PDGFD: variants seen among roughly 807,000 people sequenced by gnomAD.
PDGFD encodes platelet-derived growth factor D.
PDGFD carries 30 observed loss-of-function variants against 44.7 expected under a neutral mutation model. That is an observed-to-expected ratio of 0.67 (90% CI 0.50 to 0.91). PDGFD has a LOEUF of 0.91. Ranked by LOEUF, PDGFD falls within the 40% of genes least tolerant of loss-of-function variation. The pLI is 0.00. For synonymous variants in PDGFD, 173 were observed against 168.4 expected (o/e 1.03, Z -0.21); for missense variants, 445 against 457.8 (o/e 0.97, Z 0.25).
At chr11:104,113,495 C>A (rs1861590535) in intron 1 of PDGFD, among the ~76,000 whole-genome samples, 1 of 151,898 alleles carries the variant, frequency 6.6e-6, no homozygotes, top group Admixed American at 6.6e-5. Context: ...TAGCACAGTT[C>A]ATTTATCCAT....
intron 1 of PDGFD, chr11:104,037,149 A>G (rs759602866): frequency 8.7e-6 from 14 of 1,613,798 alleles, no homozygotes; most frequent in Non-Finnish European, 1.1e-5. Flanking sequence ...GCTCCCGTCC[A>G]CAGCACCCTG....
At chr11:103,938,351 T>G (rs1439599931) in intron 5 of PDGFD, among the ~76,000 whole-genome samples, 1 of 152,244 alleles carries the variant, frequency 6.6e-6, no homozygotes, top group South Asian at 2.1e-4. Flanking sequence ...ATAAATGCCT[T>G]CTTTTGAGAA....
chr11:103,996,100 C>A lies in PDGFD; in HGVS notation c.475G>T (p.Ala159Ser). 1 of 1,613,444 alleles carries A rather than the reference C, an allele frequency of 6.2e-7. No homozygotes were observed. Among genetic ancestry groups the A allele is most frequent in the Non-Finnish European group, 8.5e-7 (1 of 1,179,708 alleles). The change falls in exon 3 of 7, where the codon GCT (alanine) becomes TCT (serine). Residue 159 changes from alanine to serine, a missense_variant. Ala to Ser is a moderately conservative substitution (Grantham distance 99, BLOSUM62 1). Coordinates refer to ENST00000393158, the MANE Select transcript of PDGFD (RefSeq NM_025208.5). ...ITFKSDDYFV[A>S]KPGFKIYYSL... Reference sequence around the variant, plus strand: ...TAATAAATCTTGAATCCAGGTTTAGCCACAAAGTAGTCATCGGACTTGAAT... The same window carrying A: ...TAATAAATCTTGAATCCAGGTTTAGACACAAAGTAGTCATCGGACTTGAAT...
At chr11:104,117,078 T>C (rs1408044544) in intron 1 of PDGFD, among the ~76,000 whole-genome samples, 2 of 151,958 alleles carry the variant, frequency 1.3e-5, no homozygotes, top group African/African-American at 4.8e-5. Context: ...TGGTTTAACA[T>C]ATGCAAGTCA....
At chr11:104,146,448 T>G (rs1862164130) in intron 1 of PDGFD, among the ~76,000 whole-genome samples, 1 of 152,148 alleles carries the variant, frequency 6.6e-6, no homozygotes, top group Admixed American at 6.6e-5. Context: ...TGCACTAAAT[T>G]TTTCATCTGA....
intron 1 of PDGFD, among the ~76,000 whole-genome samples, chr11:104,023,033 A>G (rs1264807628): frequency 1.3e-5 from 2 of 152,128 alleles, no homozygotes; most frequent in Non-Finnish European, 2.9e-5. Context: ...TTTAGTAACC[A>G]TAGCCAAACT....
At chr11:104,120,848 T>A (rs1861769238) in intron 1 of PDGFD, among the ~76,000 whole-genome samples, 1 of 151,902 alleles carries the variant, frequency 6.6e-6, no homozygotes, top group Admixed American at 6.6e-5. Context: ...TTTTTCCCCC[T>A]TTGTACATGC....
intron 1 of PDGFD, chr11:104,038,297 T>TTA (rs1313793467): frequency 2.7e-6 from 1 of 375,484 alleles, no homozygotes; most frequent in Non-Finnish European, 5.0e-6. Flanking sequence ...GCTTCTTCCT[T>TTA]TAGAGACACT....
intron 3 of PDGFD, among the ~76,000 whole-genome samples, chr11:103,963,189 A>G (rs748784722): frequency 6.6e-5 from 10 of 152,102 alleles, no homozygotes; most frequent in Non-Finnish European, 1.5e-4. Context: ...TTTTCCTTGG[A>G]AAAAATGTTG....
chr11:104,140,778 T>G (rs1403854394), intron 1 of PDGFD, among the ~76,000 whole-genome samples: 1 of 150,270 alleles, frequency 6.7e-6, no homozygotes, highest in East Asian at 2.0e-4. Flanking sequence ...GCTAATGTCC[T>G]AACCTTTTCC....
intron 3 of PDGFD, among the ~76,000 whole-genome samples, chr11:103,975,584 G>T (rs2134347502): frequency 6.6e-6 from 1 of 152,190 alleles, no homozygotes; most frequent in East Asian, 1.9e-4. Flanking sequence ...TGTCCTGAAT[G>T]GTATTGCCTA....
At chr11:104,163,738 A>C in intron 1 of PDGFD, 66 bp downstream of exon 1, 1 of 1,446,250 alleles carries the variant, frequency 6.9e-7, no homozygotes. Context: ...GGAAAAACAT[A>C]GAAAGAACAA....
rs115350616 is a variant in PDGFD at position 104,066,349 on chromosome 11, G to A, written c.125-66094C>T. Among the ~76,000 whole-genome samples, 938 of 152,220 alleles carry A rather than the reference G, an allele frequency of 6.2e-3. 8 individuals carry two copies. Among genetic ancestry groups the A allele is most frequent in the African/African-American group, 0.021 (888 of 41,546 alleles). On this transcript the variant is annotated intron_variant, in intron 1 of 6. Coordinates refer to ENST00000393158, the MANE Select transcript of PDGFD (RefSeq NM_025208.5). ...ATGGAATGTTTTGTCATATATATCC[G>A]TAGAGTTCAGAAATGATCAGGTATT...
At chr11:104,081,540 GTC>G (rs1447931199) in intron 1 of PDGFD, among the ~76,000 whole-genome samples, 1 of 151,918 alleles carries the variant, frequency 6.6e-6, no homozygotes, top group East Asian at 1.9e-4. Flanking sequence ...GAGCCACATA[GTC>G]TCTATGATCA....
At chr11:104,006,782 G>C (rs1454075694) in intron 1 of PDGFD, among the ~76,000 whole-genome samples, 1 of 152,140 alleles carries the variant, frequency 6.6e-6, no homozygotes. Flanking sequence ...CCAGGGAAGA[G>C]TATATTCCCA....
chr11:103,973,620 G>T (rs975217025), intron 3 of PDGFD, among the ~76,000 whole-genome samples: 1 of 152,124 alleles, frequency 6.6e-6, no homozygotes, highest in Non-Finnish European at 1.5e-5. Flanking sequence ...GTTTAACTAT[G>T]AGAAAACTCA....
At chr11:104,066,770 C>T (rs1860796839) in intron 1 of PDGFD, among the ~76,000 whole-genome samples, 1 of 152,108 alleles carries the variant, frequency 6.6e-6, no homozygotes, top group Non-Finnish European at 1.5e-5. Context: ...ACTGATTGAT[C>T]CCAGCTGGCA....
At chr11:104,076,033 T>C (rs993711276) in intron 1 of PDGFD, among the ~76,000 whole-genome samples, 3 of 152,238 alleles carry the variant, frequency 2.0e-5, no homozygotes, top group African/African-American at 7.2e-5. Context: ...AACAGAATCA[T>C]GGGGCTGGTT....
At chr11:104,112,294 CT>C (rs35382507) in intron 1 of PDGFD, among the ~76,000 whole-genome samples, 8 of 150,536 alleles carry the variant, frequency 5.3e-5, no homozygotes, top group African/African-American at 1.7e-4. Context: ...TAATGTTGAG[CT>C]TTTTTTTTCA....
Sources: allele counts gnomAD v4.1 joint callset (sites outside exome capture counted in the v4.1 genomes callset), GRCh38; gene constraint gnomAD v4.1.1; transcripts MANE v1.5; gene names NCBI Gene and HGNC (gene_info 2026-07-23, HGNC 2026-07-21).